Variants in NEGR1 observed in about 807,000 individuals in gnomAD.
NEGR1 encodes IgLON family member 4.
In NEGR1, 10 loss-of-function variants were observed where a neutral mutation model predicts 40.9. The ratio of observed to expected loss-of-function variants is 0.24; its 90% CI spans 0.15 to 0.42. NEGR1 has a LOEUF of 0.42. Among genes scored for constraint, NEGR1 ranks in the 10% least tolerant of loss-of-function variants. The pLI is 1.00. For synonymous variants in NEGR1, 185 were observed against 166.8 expected (o/e 1.11, Z -0.84); for missense variants, 352 against 438.9 (o/e 0.80, Z 1.77).
intron 2 of NEGR1, among the ~76,000 whole-genome samples, chr1:71,863,475 A>G (rs1660014992): frequency 6.6e-6 from 1 of 152,132 alleles, no homozygotes; most frequent in Non-Finnish European, 1.5e-5. Flanking sequence ...GAACATCAGG[A>G]AGAATAGCTA....
At chr1:71,702,293 T>C (rs1653724280) in intron 3 of NEGR1, among the ~76,000 whole-genome samples, 1 of 152,054 alleles carries the variant, frequency 6.6e-6, no homozygotes, top group Admixed American at 6.6e-5. Context: ...TCAAAGTTTA[T>C]TGGGAAGTAA....
intron 1 of NEGR1, among the ~76,000 whole-genome samples, chr1:72,230,834 T>A (rs550503895): frequency 1.3e-5 from 2 of 152,160 alleles, no homozygotes; most frequent in African/African-American, 4.8e-5. Flanking sequence ...ATAATACTGA[T>A]TCTGGAACTA....
intron 2 of NEGR1, among the ~76,000 whole-genome samples, chr1:71,906,879 G>C (rs1237400584): frequency 6.6e-6 from 1 of 152,116 alleles, no homozygotes; most frequent in African/African-American, 2.4e-5. Flanking sequence ...TAGCCTGAGG[G>C]ACAATTAGAA....
intron 1 of NEGR1, among the ~76,000 whole-genome samples, chr1:71,959,519 G>A (rs1646145986): frequency 6.6e-6 from 1 of 151,868 alleles, no homozygotes; most frequent in Non-Finnish European, 1.5e-5. Context: ...ATGATAAATT[G>A]TACTAAATAC....
chr1:71,798,310 C>A (rs143058805), intron 2 of NEGR1: 1 of 151,780 alleles, frequency 6.6e-6, no homozygotes, highest in Non-Finnish European at 1.5e-5. Flanking sequence ...AGAAAGTTCA[C>A]GGTGAATATC....
chr1:71,632,827 T>G (rs1651019398), intron 4 of NEGR1, among the ~76,000 whole-genome samples: 1 of 151,966 alleles, frequency 6.6e-6, no homozygotes, highest in Non-Finnish European at 1.5e-5. Flanking sequence ...GTTTTCCTAC[T>G]GTACAATCTG....
intron 1 of NEGR1, among the ~76,000 whole-genome samples, chr1:72,108,779 C>T (rs529550710): frequency 6.6e-6 from 1 of 151,578 alleles, no homozygotes; most frequent in Non-Finnish European, 1.5e-5. Context: ...GAACAATGAA[C>T]CGAGCCTCCT....
At chr1:71,430,918 C>G (rs570452755) in intron 6 of NEGR1, among the ~76,000 whole-genome samples, 165 of 151,980 alleles carry the variant, frequency 1.1e-3, no homozygotes, top group African/African-American at 3.9e-3. Context: ...CACCACCGGG[C>G]CCGACTAATT....
At chr1:71,619,611 TG>T (rs1434653919) in intron 4 of NEGR1, among the ~76,000 whole-genome samples, 3 of 151,994 alleles carry the variant, frequency 2.0e-5, no homozygotes, top group Non-Finnish European at 4.4e-5. Flanking sequence ...TTCAGAGGAA[TG>T]TTATTAGACA....
At chr1:71,505,360 C>A (rs1647025160) in intron 6 of NEGR1, among the ~76,000 whole-genome samples, 1 of 152,068 alleles carries the variant, frequency 6.6e-6, no homozygotes, top group South Asian at 2.1e-4. Flanking sequence ...TGGCTCACTG[C>A]AAGCTCCACC....
rs377587474 is a variant in NEGR1 at position 71,918,057 on chromosome 1, A to C, written c.409+17022T>G. On this transcript the variant is annotated intron_variant, in intron 2 of 6. Coordinates refer to ENST00000357731, the MANE Select transcript of NEGR1 (RefSeq NM_173808.3). Reference sequence around the variant, plus strand: ...ATGGTGAAACCCCGTCTCTACTAGAAATATAAAAAATTAGCCGGGCATGGT... The same window carrying C: ...ATGGTGAAACCCCGTCTCTACTAGACATATAAAAAATTAGCCGGGCATGGT... Among the ~76,000 whole-genome samples, 133 of 150,100 alleles carry C rather than the reference A, an allele frequency of 8.9e-4. 1 individual carries two copies. The highest frequency in any genetic ancestry group is 4.6e-3 in the East Asian group (23 of 5,000).
At chr1:71,867,983 C>T (rs1371230422) in intron 2 of NEGR1, among the ~76,000 whole-genome samples, 2 of 152,084 alleles carry the variant, frequency 1.3e-5, no homozygotes, top group Non-Finnish European at 2.9e-5. Flanking sequence ...TTGGAAAAAG[C>T]TGTATTAATT....
intron 6 of NEGR1, among the ~76,000 whole-genome samples, chr1:71,557,326 T>C (rs1161345755): frequency 2.0e-5 from 3 of 151,350 alleles, no homozygotes; most frequent in African/African-American, 4.8e-5. Flanking sequence ...ACTTAAAGAG[T>C]ATGGCGAAGT....
At chr1:71,576,451 T>C (rs1363054597) in intron 6 of NEGR1, among the ~76,000 whole-genome samples, 1 of 152,184 alleles carries the variant, frequency 6.6e-6, no homozygotes, top group Non-Finnish European at 1.5e-5. Flanking sequence ...TGTGAATCAC[T>C]CAGAGATTCT....
In NEGR1 at chr1:71,935,083, C is replaced by A; in HGVS notation, c.405G>T (p.Val135=). The change falls in exon 2 of 7, where the codon GTG becomes GTT. Residue 135 remains valine, a synonymous_variant. Transcript: ENST00000357731. ...TPRTMQVHLT[V]QVPPKIYDIS... ...AGCAGTTCTGAAAATACATACCTTG[C>A]ACAGTTAGATGCACCTGCATTGTTC... 1.3e-6 allele frequency: 2 copies of A among 1,588,688 alleles called. No homozygotes were observed. Among genetic ancestry groups the A allele is most frequent in the Non-Finnish European group, 1.7e-6 (2 of 1,156,956 alleles).
At chr1:71,577,269 T>C (rs1166658354) in intron 6 of NEGR1, among the ~76,000 whole-genome samples, 2 of 152,222 alleles carry the variant, frequency 1.3e-5, no homozygotes, top group African/African-American at 4.8e-5. Context: ...AAAATGTAGA[T>C]GAAATAATTT....
chr1:71,966,501 A>G (rs1423229865), intron 1 of NEGR1, among the ~76,000 whole-genome samples: 1 of 152,084 alleles, frequency 6.6e-6, no homozygotes, highest in Admixed American at 6.6e-5. Flanking sequence ...TTCTATACCT[A>G]CTGATGGTTG....
chr1:72,192,328 A>G (rs1442827109), intron 1 of NEGR1, among the ~76,000 whole-genome samples: 3 of 151,814 alleles, frequency 2.0e-5, no homozygotes, highest in Non-Finnish European at 4.4e-5. Context: ...ATTGAATCCC[A>G]CTGGCTATGG....
intron 1 of NEGR1, among the ~76,000 whole-genome samples, chr1:72,200,560 G>A (rs1209769184): frequency 2.6e-5 from 4 of 152,036 alleles, no homozygotes; most frequent in South Asian, 2.1e-4. Context: ...CTATCTTTGT[G>A]AAGGGATCAT....
Sources: allele counts gnomAD v4.1 joint callset (sites outside exome capture counted in the v4.1 genomes callset), GRCh38; gene constraint gnomAD v4.1.1; transcripts MANE v1.5; gene names NCBI Gene and HGNC (gene_info 2026-07-23, HGNC 2026-07-21).